The following XKR4 variants were observed in gnomAD, a reference collection of about 807,000 sequenced individuals.
XKR4 encodes XK related 4, also known as XK-related protein 4.
In XKR4, 12 loss-of-function variants were observed where a neutral mutation model predicts 53.9. The observed-to-expected ratio is 0.22, with a 90% CI of 0.14 to 0.36. XKR4 has a LOEUF of 0.36. XKR4 is among the 10% of genes least tolerant of loss of function. XKR4 has a pLI of 1.00. For missense variants in XKR4, 799 were observed against 859.5 expected (o/e 0.93, Z 0.88); for synonymous variants, 354 against 362.4 (o/e 0.98, Z 0.26).
At chr8:55,375,672 G>T (rs1016617913) in intron 2 of XKR4, among the ~76,000 whole-genome samples, 1 of 150,538 alleles carries the variant, frequency 6.6e-6, no homozygotes, top group Admixed American at 6.6e-5. Flanking sequence ...TGACATTTTT[G>T]AAAATAATAT....
At chr8:55,506,004 T>C (rs1443597125) in intron 2 of XKR4, among the ~76,000 whole-genome samples, 1 of 152,260 alleles carries the variant, frequency 6.6e-6, no homozygotes, top group East Asian at 1.9e-4. Flanking sequence ...ATACAGGTTC[T>C]GCACTGCTCA....
At chr8:55,456,083 A>G (rs367841455) in intron 2 of XKR4, among the ~76,000 whole-genome samples, 12 of 152,230 alleles carry the variant, frequency 7.9e-5, no homozygotes, top group East Asian at 3.8e-4. Context: ...TAAGCATGCA[A>G]ATAATTAGGA....
chr8:55,276,198 G>T (rs187795235), intron 1 of XKR4, among the ~76,000 whole-genome samples: 15 of 152,252 alleles, frequency 9.9e-5, no homozygotes, highest in African/African-American at 3.6e-4. Flanking sequence ...CTCTTAGATT[G>T]TATTTAACAC....
At chr8:55,341,973 C>T (rs964736481) in intron 1 of XKR4, among the ~76,000 whole-genome samples, 2 of 152,060 alleles carry the variant, frequency 1.3e-5, no homozygotes, top group Non-Finnish European at 2.9e-5. Context: ...CTAACATCTC[C>T]CAAATAATCC....
intron 1 of XKR4, among the ~76,000 whole-genome samples, chr8:55,303,610 A>G (rs1161916837): frequency 6.6e-6 from 1 of 152,150 alleles, no homozygotes; most frequent in Non-Finnish European, 1.5e-5. Context: ...GAATTTGGCT[A>G]TGAATCCATC....
At chr8:55,261,591 G>A (rs1818526999) in intron 1 of XKR4, among the ~76,000 whole-genome samples, 1 of 152,130 alleles carries the variant, frequency 6.6e-6, no homozygotes, top group Non-Finnish European at 1.5e-5. Flanking sequence ...TTGATGGAAG[G>A]TGGCCTTTGG....
intron 2 of XKR4, among the ~76,000 whole-genome samples, chr8:55,481,135 C>T (rs543312778): frequency 1.3e-5 from 2 of 152,294 alleles, no homozygotes; most frequent in Non-Finnish European, 2.9e-5. Context: ...ATCACACTAC[C>T]TGACTTCAAA....
At chr8:55,280,748 A>G (rs1288948589) in intron 1 of XKR4, among the ~76,000 whole-genome samples, 2 of 152,200 alleles carry the variant, frequency 1.3e-5, no homozygotes, top group Admixed American at 6.5e-5. Flanking sequence ...TTCAGAGACC[A>G]TTTAATGATA....
chr8:55,205,421 C>T (rs528593976), intron 1 of XKR4, among the ~76,000 whole-genome samples: 8 of 152,086 alleles, frequency 5.3e-5, no homozygotes, highest in East Asian at 1.9e-4. Context: ...GTTTTTATAA[C>T]GAGAGGCTGC....
chr8:55,236,820 G>C (rs1236782268), intron 1 of XKR4, among the ~76,000 whole-genome samples: 1 of 152,128 alleles, frequency 6.6e-6, no homozygotes, highest in Admixed American at 6.5e-5. Context: ...GCCTTGGAGA[G>C]GGAGCCAAGG....
chr8:55,500,181 C>CAAAAAAAAAAAAA (rs36233927), intron 2 of XKR4, among the ~76,000 whole-genome samples: 1 of 115,610 alleles, frequency 8.6e-6, no homozygotes, highest in African/African-American at 4.0e-5. Flanking sequence ...CAAATTGGGC[C>CAAAAAAAAAAAAA]AAAAAAAAAA....
At chr8:55,404,879 C>T (rs570251978) in intron 2 of XKR4, among the ~76,000 whole-genome samples, 14 of 152,234 alleles carry the variant, frequency 9.2e-5, no homozygotes, top group Admixed American at 5.2e-4. Context: ...CCACTTCGCT[C>T]GCTGGGTTTA....
rs1471428374 is a variant in XKR4, at chr8:55,541,071, AT to A, written c.*16846del. On this transcript the variant is annotated 3_prime_UTR_variant, in exon 3 of 3. Coordinates refer to ENST00000327381, the MANE Select transcript of XKR4 (RefSeq NM_052898.2). ...TTTTTGCTACCAATATTTGTTCTTAATTCTCCAGTTATTTTAAGTAAATAAG... is the reference window on the plus strand; with the variant it reads ...TTTTTGCTACCAATATTTGTTCTTAATCTCCAGTTATTTTAAGTAAATAAG... 2.0e-5 allele frequency: 3 copies of A among 152,222 alleles called. No homozygotes were observed. The highest frequency in any genetic ancestry group is 4.4e-5 in the Non-Finnish European group (3 of 68,034). The allele number at this position is 152,222 out of a possible 1,614,324, so 9.4% of individuals were successfully genotyped here. A position where few individuals can be genotyped will look rare whatever the true frequency, so the allele number is the denominator to read the frequency against.
intron 1 of XKR4, among the ~76,000 whole-genome samples, chr8:55,185,026 A>G (rs1468675162): frequency 6.6e-6 from 1 of 152,240 alleles, no homozygotes; most frequent in Non-Finnish European, 1.5e-5. Context: ...TTTGAGGTTC[A>G]GTTTAAAATT....
At chr8:55,382,763 A>C (rs1804253986) in intron 2 of XKR4, among the ~76,000 whole-genome samples, 1 of 152,082 alleles carries the variant, frequency 6.6e-6, no homozygotes, top group Admixed American at 6.6e-5. Context: ...TCTTTTTAGC[A>C]TCTGGTTTTT....
intron 1 of XKR4, among the ~76,000 whole-genome samples, chr8:55,151,075 G>C (rs901081142): frequency 6.6e-6 from 1 of 152,302 alleles, no homozygotes; most frequent in African/African-American, 2.4e-5. Context: ...CAGTGTATTA[G>C]TACTTTTTGT....
At chr8:55,508,023 A>G (rs1429044827) in intron 2 of XKR4, among the ~76,000 whole-genome samples, 1 of 152,204 alleles carries the variant, frequency 6.6e-6, no homozygotes, top group East Asian at 1.9e-4. Context: ...AGATTTAGAA[A>G]GAGCCTTGAA....
intron 1 of XKR4, among the ~76,000 whole-genome samples, chr8:55,220,115 A>G (rs564620466): frequency 5.9e-5 from 9 of 152,336 alleles, no homozygotes; most frequent in South Asian, 2.1e-4. Context: ...AGATATGTCA[A>G]TTAGGTTTAC....
chr8:55,335,888 A>G (rs981611032), intron 1 of XKR4, among the ~76,000 whole-genome samples: 1 of 152,042 alleles, frequency 6.6e-6, no homozygotes, highest in Non-Finnish European at 1.5e-5. Context: ...AGTGATGGAA[A>G]ACAGATCTGT....
Sources: allele counts gnomAD v4.1 joint callset (sites outside exome capture counted in the v4.1 genomes callset), GRCh38; gene constraint gnomAD v4.1.1; transcripts MANE v1.5; gene names NCBI Gene and HGNC (gene_info 2026-07-23, HGNC 2026-07-21).